DDX25: variants seen among roughly 807,000 people sequenced by gnomAD.
DDX25 encodes the protein ATP-dependent RNA helicase DDX25.
DDX25 carries 70 observed loss-of-function variants against 64.6 expected under a neutral mutation model. That is an observed-to-expected ratio of 1.08 (90% CI 0.89 to 1.32). DDX25 has a LOEUF of 1.32. Among genes scored for constraint, DDX25 ranks in the 40% most tolerant of loss-of-function variants. DDX25 has a pLI of 0.00. For synonymous variants in DDX25, 211 were observed against 213.3 expected, an observed-to-expected ratio of 0.99 and a Z score of 0.09; for missense variants, 587 against 604.4, an observed-to-expected ratio of 0.97 and a Z score of 0.30.
At chr11:125,905,740 C>A in intron 3 of DDX25, 143 bp downstream of exon 3, 1 of 853,720 alleles carries the variant, frequency 1.2e-6, no homozygotes, top group Non-Finnish European at 1.8e-6. Context: ...AGGAGACACA[C>A]TAAATTAGGA....
intron 2 of DDX25, 85 bp from the exon 3 acceptor site, chr11:125,905,468 C>G (rs993363274): frequency 3.5e-5 from 50 of 1,444,342 alleles, no homozygotes; most frequent in Non-Finnish European, 4.4e-5. Flanking sequence ...ACTGAAGAGT[C>G]AGGAAGAAAA....
chr11:125,918,538 C>A, intron 9 of DDX25, 90 bp from the exon 10 acceptor site: 1 of 1,494,272 alleles, frequency 6.7e-7, no homozygotes, highest in Non-Finnish European at 9.0e-7. Flanking sequence ...CCCTCTCCCA[C>A]CCCCGCCCTG....
chr11:125,905,146 A>G, intron 1 of DDX25, 66 bp from the exon 2 acceptor site: 2 of 1,423,402 alleles, frequency 1.4e-6, no homozygotes, highest in Non-Finnish European at 1.9e-6. Flanking sequence ...CCCCTGTGGT[A>G]GGGAAGCACT....
chr11:125,926,759 C>T lies in DDX25; in HGVS notation c.*3878C>T, dbSNP rs1945171466. The T allele has an allele frequency of 6.6e-6, 1 of 152,138 alleles. No homozygotes were observed. 9.4% of individuals were successfully genotyped at this position (152,138 alleles called of 1,614,324 possible). A position where few individuals can be genotyped will look rare whatever the true frequency, so the allele number is the denominator to read the frequency against. On this transcript the variant is annotated 3_prime_UTR_variant, in exon 12 of 12. Transcript: ENST00000263576. ...ATGGGGTTTCACCGTATTGGTCAGG[C>T]TGGTCTCGAACTCGTGACCTCAGGT...
At chr11:125,905,173 T>G (rs1455520820) in intron 1 of DDX25, 39 bp from the exon 2 acceptor site, 4 of 1,545,494 alleles carry the variant, frequency 2.6e-6, no homozygotes, top group Non-Finnish European at 3.5e-6. Flanking sequence ...CTTGAGGGCT[T>G]GCATCCTAAT....
intron 2 of DDX25, 102 bp from the exon 3 acceptor site, chr11:125,905,451 A>G: frequency 7.4e-7 from 1 of 1,360,506 alleles, no homozygotes; most frequent in Non-Finnish European, 1.0e-6. Flanking sequence ...TCTTCTTGCC[A>G]GTAGACACTG....
intron 10 of DDX25, chr11:125,920,919 TACACACACACACACACACAC>T: frequency 7.6e-6 from 2 of 264,136 alleles, no homozygotes; most frequent in East Asian, 6.7e-5. Context: ...CACACACACA[TACACACACACACACACACAC>T]ACACACACAC....
chr11:125,908,061 A>G lies in DDX25; in HGVS notation c.312-135A>G, dbSNP rs558031547. ...TTTATGTTTGGAAGTTGAGGTATGA[A>G]TGATCTATCTCCAAATACTAGTTTT... On this transcript the variant is annotated intron_variant, in intron 4 of 11. Coordinates refer to ENST00000263576, the MANE Select transcript of DDX25 (RefSeq NM_013264.5). The G allele has an allele frequency of 2.3e-5, 16 of 680,946 alleles. No homozygotes were observed. The African/African-American group carries it at 2.7e-4, about 12-fold the overall frequency. The allele number at this position is 680,946 out of a possible 1,614,324, so 42.2% of individuals were successfully genotyped here.
At chr11:125,914,778 C>G (rs1473890213) in intron 8 of DDX25, among the ~76,000 whole-genome samples, 3 of 151,944 alleles carry the variant, frequency 2.0e-5, no homozygotes, top group Non-Finnish European at 4.4e-5. Flanking sequence ...ACTGTGTCAC[C>G]CAGGCTGGAG....
Position 125,921,252 on chromosome 11 carries a change from G to A in DDX25, c.1263G>A (p.Glu421=). ...TTGATCTCCCTGTAAAACAAGGAGA[G>A]GAGCCGGACTATGAGACCTACCTCC... ...VNFDLPVKQG[E]EPDYETYLHR... is the part of the protein sequence containing the mutation. The change falls in exon 11 of 12, where the codon GAG becomes GAA. Residue 421 remains glutamate (E), a synonymous_variant. Transcript: ENST00000263576. This position sits in a 1 kb window ranked among gnomAD's most constrained non-coding sequence, Gnocchi z 4.1. 1 of 1,613,098 alleles carries A rather than the reference G, an allele frequency of 6.2e-7. No individual in the cohort carries two copies. The highest frequency in any genetic ancestry group is 1.1e-5 in the South Asian group (1 of 90,862).
intron 1 of DDX25, 143 bp downstream of exon 1, chr11:125,904,723 G>A: frequency 9.7e-7 from 1 of 1,026,386 alleles, no homozygotes; most frequent in Non-Finnish European, 1.4e-6. Context: ...GGAAGGGTTT[G>A]GAAGAGGGCC....
chr11:125,911,401 T>A lies in DDX25; in HGVS notation c.713T>A (p.Leu238Ter). The change falls in exon 8 of 12, where the codon TTG becomes TAG. Residue 238 changes from leucine to a stop codon, truncating the protein, a stop_gained. Transcript: ENST00000263576. LOFTEE classifies it high-confidence loss of function. ...TGTTTTAAACTAAAATTGATTGATT[T>A]GACTAAGATTCGTGTGTTTGTCCTG... ...DWCFKLKLID[L>*]TKIRVFVLDE... 1 of 1,613,910 alleles carries A rather than the reference T, an allele frequency of 6.2e-7. No individual in the cohort carries two copies. The highest frequency in any genetic ancestry group is 8.5e-7 in the Non-Finnish European group (1 of 1,179,862).
rs1945182450 is a variant in DDX25, at chr11:125,927,975, A to G, written c.*5094A>G. On this transcript the variant is annotated 3_prime_UTR_variant, in exon 12 of 12. Transcript: ENST00000263576. Reference sequence around the variant, plus strand: ...TCTGAGAAGCTTTGCACAAAAGAAGATTGTTTTCCACAAATGAAAATGGGG... The same window carrying G: ...TCTGAGAAGCTTTGCACAAAAGAAGGTTGTTTTCCACAAATGAAAATGGGG... The G allele has an allele frequency of 6.6e-6, 1 of 152,204 alleles. No homozygotes were observed. The highest frequency in any genetic ancestry group is 2.4e-5 in the African/African-American group (1 of 41,456). The allele number at this position is 152,204 out of a possible 1,614,324, so 9.4% of individuals were successfully genotyped here.
Position 125,905,580 on chromosome 11 carries a change from A to G in DDX25, c.158A>G (p.Asp53Gly). ...GGTTCTATTAATAACATCAATGAAG[A>G]TGATGAAGAAGATGTAGGTAGGAGA... ...IDGSINNINE[D>G]DEEDVVDLAA... is the part of the protein sequence containing the mutation. Residue 53 changes from aspartate (D) to glycine (G), a missense_variant, in exon 3 of 12, where the codon GAT becomes GGT. By Grantham distance (94) the Asp-to-Gly change is moderately conservative. Transcript: ENST00000263576. The G allele has an allele frequency of 1.9e-6, 3 of 1,551,718 alleles. No homozygotes were observed. Among genetic ancestry groups the G allele is most frequent in the African/African-American group, 2.7e-5 (2 of 73,188 alleles).
intron 7 of DDX25, 72 bp from the exon 8 acceptor site, chr11:125,911,239 G>A: frequency 7.4e-7 from 1 of 1,350,768 alleles, no homozygotes; most frequent in Non-Finnish European, 9.7e-7. Context: ...GCTTTATATT[G>A]CACTGCCCTG....
chr11:125,916,270 AT>A (rs1281325510), intron 8 of DDX25, among the ~76,000 whole-genome samples: 1 of 152,218 alleles, frequency 6.6e-6, no homozygotes, highest in African/African-American at 2.4e-5. Flanking sequence ...AAATACACCA[AT>A]GATAAGTGTA....
intron 4 of DDX25, among the ~76,000 whole-genome samples, chr11:125,906,738 A>G (rs1399161267): frequency 6.7e-6 from 1 of 149,458 alleles, no homozygotes; most frequent in Non-Finnish European, 1.5e-5. Context: ...AGGTAGGAGA[A>G]TCGCCTGAAC....
chr11:125,906,883 C>G (rs1331469167), intron 4 of DDX25, among the ~76,000 whole-genome samples: 1 of 150,532 alleles, frequency 6.6e-6, no homozygotes, highest in Non-Finnish European at 1.5e-5. Context: ...AGTTGCCTGG[C>G]AAATTGAGAA....
chr11:125,911,313 C>G lies in DDX25; in HGVS notation c.625C>G (p.Pro209Ala), dbSNP rs764907857. 6.2e-6 allele frequency: 10 copies of G among 1,609,624 alleles called. No homozygotes were observed. Among genetic ancestry groups the G allele is most frequent in the African/African-American group, 1.3e-5 (1 of 74,824 alleles). ...VMYAIRGNRI[P>A]RGTDITKQII... ...GCTTAAAACCCTTTTCTCCCCAGTT[C>G]CCAGAGGCACCGACATCACTAAACA... Residue 209 changes from proline (P) to alanine (A), a missense_variant and splice_region_variant, in exon 8 of 12, where the codon CCC becomes GCC. By Grantham distance (27) the Pro-to-Ala change is conservative. Coordinates refer to ENST00000263576, the MANE Select transcript of DDX25 (RefSeq NM_013264.5).
Sources: gnomAD v4.1 joint callset for allele counts (sites outside exome capture counted in the v4.1 genomes callset) on GRCh38, gnomAD v4.1.1 for gene constraint, Gnocchi (gnomAD v3.1) non-coding constraint, MANE v1.5 for transcripts, NCBI Gene and HGNC (gene_info 2026-07-23, HGNC 2026-07-21) for gene names.